The following WT1 variants were observed in gnomAD, a reference collection of about 807,000 sequenced individuals.
WT1 encodes Wilms tumor protein.
Under a neutral mutation model 60.8 loss-of-function variants are expected in WT1, and 8 were observed. The observed-to-expected ratio is 0.13, with a 90% CI of 0.08 to 0.24. The LOEUF (loss-of-function observed/expected upper bound fraction) is 0.24. Among genes scored for constraint, WT1 ranks in the 10% least tolerant of loss-of-function variants. The probability of loss-of-function intolerance (pLI) is 1.00; values close to 1 mark genes in which losing one functional copy is unlikely to be tolerated. For missense variants in WT1, 568 were observed against 711.8 expected, an observed-to-expected ratio of 0.80 and a Z score of 2.30; for synonymous variants, 312 against 297.1, an observed-to-expected ratio of 1.05 and a Z score of -0.52.
chr11:32,395,496 G>A (rs1482445942), intron 7 of WT1, among the ~76,000 whole-genome samples: 2 of 147,718 alleles, frequency 1.4e-5, no homozygotes, highest in African/African-American at 5.0e-5. Flanking sequence ...TTTTTTGGCA[G>A]AGTCTTGCTC....
At chr11:32,407,248 A>C (rs1852342275) in intron 5 of WT1, among the ~76,000 whole-genome samples, 1 of 152,160 alleles carries the variant, frequency 6.6e-6, no homozygotes. Flanking sequence ...GAAAAACAAA[A>C]AAACAAAAAA....
At chr11:32,401,352 T>C (rs193282689) in intron 5 of WT1, among the ~76,000 whole-genome samples, 130 of 151,736 alleles carry the variant, frequency 8.6e-4, no homozygotes, top group Admixed American at 2.0e-3. Context: ...ACTGGGGGAG[T>C]TGGGAAGGCA....
At position 32,392,715 on chromosome 11, in the gene WT1, T is replaced by C; in HGVS notation, c.1305A>G (p.Arg435=). ...TGAGCTGGTCTGAACGAGAAAACCT[T>C]CGTTCACAGTCCTTGAAGTCACACT... is the stretch of plus-strand genomic sequence containing the variant. Residue 435 remains arginine, a synonymous_variant, in exon 8 of 10, where the codon CGA becomes CGG. Coordinates refer to ENST00000452863, the MANE Select transcript of WT1 (RefSeq NM_024426.6). 11 of 1,614,072 alleles carry C rather than the reference T, an allele frequency of 6.8e-6. No homozygotes were observed. The highest frequency in any genetic ancestry group is 9.3e-6 in the Non-Finnish European group (11 of 1,179,952).
chr11:32,407,996 G>A (rs1240607507), intron 5 of WT1, among the ~76,000 whole-genome samples: 1 of 152,182 alleles, frequency 6.6e-6, no homozygotes, highest in Non-Finnish European at 1.5e-5. Context: ...GCTGAGGCAG[G>A]CGGATCATTT....
At chr11:32,426,926 T>C (rs1482452215) in intron 3 of WT1, among the ~76,000 whole-genome samples, 1 of 151,456 alleles carries the variant, frequency 6.6e-6, no homozygotes, top group East Asian at 2.0e-4. Context: ...GCGCGGCCAC[T>C]CCCCCACCCA....
intron 8 of WT1, 68 bp downstream of exon 8, chr11:32,392,597 AG>A: frequency 6.8e-7 from 1 of 1,464,146 alleles, no homozygotes; most frequent in Non-Finnish European, 9.6e-7. Context: ...TCAACAACAA[AG>A]AGAATCATGA....
intron 1 of WT1, among the ~76,000 whole-genome samples, chr11:32,433,769 T>C (rs916810612): frequency 1.3e-5 from 2 of 152,236 alleles, no homozygotes; most frequent in African/African-American, 4.8e-5. Flanking sequence ...ACCAACCTGA[T>C]ACTTATCGTG....
chr11:32,417,056 G>T (rs1158336962), intron 4 of WT1, among the ~76,000 whole-genome samples: 1 of 152,070 alleles, frequency 6.6e-6, no homozygotes, highest in Admixed American at 6.5e-5. Flanking sequence ...GGTGCAAAGA[G>T]TAGCTCCTTC....
intron 3 of WT1, among the ~76,000 whole-genome samples, chr11:32,424,613 G>A (rs34250829): frequency 0.11 from 16,508 of 152,154 alleles, 1,306 homozygotes; most frequent in African/African-American, 0.22. Context: ...AGGGTAAGGA[G>A]GATAGAGAAA....
chr11:32,427,068 C>T (rs1192490051), intron 3 of WT1, among the ~76,000 whole-genome samples: 1 of 152,198 alleles, frequency 6.6e-6, no homozygotes, highest in Non-Finnish European at 1.5e-5. Context: ...TCAGGATCCC[C>T]GAGCACCAGG....
At chr11:32,429,069 G>C (rs1853172285) in intron 1 of WT1, 1 of 283,614 alleles carries the variant, frequency 3.5e-6, no homozygotes, top group South Asian at 3.9e-5. Flanking sequence ...TGTAAATCAG[G>C]GGCCCGCGCA....
intron 5 of WT1, among the ~76,000 whole-genome samples, chr11:32,413,593 G>A (rs946369186): frequency 1.3e-5 from 2 of 152,130 alleles, no homozygotes; most frequent in Non-Finnish European, 2.9e-5. Context: ...GGCAAACTGT[G>A]GGTCATGACA....
chr11:32,428,739 G>A (rs564401206), intron 1 of WT1, 120 bp from the exon 2 acceptor site: 35 of 1,488,548 alleles, frequency 2.4e-5, no homozygotes, highest in Non-Finnish European at 3.1e-5. Flanking sequence ...GACCCCCAGC[G>A]GAGGAGAATC....
rs571805851 is a variant in WT1 at position 32,429,065 on chromosome 11, T to G, written c.662-446A>C. On this transcript the variant is annotated intron_variant, in intron 1 of 9. Coordinates refer to ENST00000452863, the MANE Select transcript of WT1 (RefSeq NM_024426.6). ...CCCCGCGTTGACTCCGAGCTGTAAATCAGGGGCCCGCGCACCAACTTTCAT... is the reference window on the plus strand; with the variant it reads ...CCCCGCGTTGACTCCGAGCTGTAAAGCAGGGGCCCGCGCACCAACTTTCAT... 2.2e-4 allele frequency: 62 copies of G among 285,616 alleles called. No individual in the cohort carries two copies. The South Asian group carries it at 2.2e-3, about 10-fold the overall frequency. The allele number at this position is 285,616 out of a possible 1,614,324, so 17.7% of individuals were successfully genotyped here. A position where few individuals can be genotyped will look rare whatever the true frequency, so the allele number is the denominator to read the frequency against.
At chr11:32,416,238 A>T (rs1852664204) in intron 5 of WT1, among the ~76,000 whole-genome samples, 1 of 152,214 alleles carries the variant, frequency 6.6e-6, no homozygotes. Context: ...ATTCACAAAG[A>T]AATGAACAGG....
chr11:32,419,427 A>G (rs1264931511), intron 3 of WT1, among the ~76,000 whole-genome samples: 3 of 152,230 alleles, frequency 2.0e-5, no homozygotes, highest in Non-Finnish European at 4.4e-5. Context: ...AAAATTGTTC[A>G]CCAACTAAAA....
In WT1 at chr11:32,391,859, G is replaced by C. The variant is rs1046576632; in HGVS notation, c.1447+113C>G. On this transcript the variant is annotated intron_variant, in intron 9 of 9. Coordinates refer to ENST00000452863, the MANE Select transcript of WT1 (RefSeq NM_024426.6). The stretch of plus-strand genomic sequence containing the variant: ...ACGCACTATTCCTTCTCTCAACTGA[G>C]TCTAAACCTTAGAACTTTTACACTA... 2.8e-6 allele frequency: 3 copies of C among 1,085,062 alleles called. No individual in the cohort carries two copies. In the African/African-American group the frequency reaches 4.7e-5, roughly 17 times the overall value. 67.2% of individuals were successfully genotyped at this position (1,085,062 alleles called of 1,614,324 possible). A position where few individuals can be genotyped will look rare whatever the true frequency, so the allele number is the denominator to read the frequency against.
At position 32,434,741 on chromosome 11, in the gene WT1, A is replaced by C. The variant is rs1258754686; in HGVS notation, c.620T>G (p.Leu207Arg). 18 of 1,612,830 alleles carry C rather than the reference A, an allele frequency of 1.1e-5. No individual in the cohort carries two copies. The highest frequency in any genetic ancestry group is 1.5e-5 in the Non-Finnish European group (18 of 1,179,954). The change falls in exon 1 of 10, where the codon CTG (leucine) becomes CGG (arginine). Residue 207 changes from leucine to arginine, a missense_variant. Leu to Arg is a moderately radical substitution (Grantham distance 102). This residue lies in a region of WT1 where 523 missense variants were observed against 565.1 expected (regional missense o/e 0.93). Coordinates refer to ENST00000452863, the MANE Select transcript of WT1 (RefSeq NM_024426.6). ...GGGCTGGCTCTCGAGGCAGCTGGGC[A>C]GGTAGGGCGCGTTAGGAAACATCCT...
chr11:32,425,863 C>T (rs1296723447), intron 3 of WT1, among the ~76,000 whole-genome samples: 4 of 152,146 alleles, frequency 2.6e-5, no homozygotes, highest in Non-Finnish European at 5.9e-5. Flanking sequence ...TGATGAAGTG[C>T]TTAATACAGT....
Sources: allele counts gnomAD v4.1 joint callset (sites outside exome capture counted in the v4.1 genomes callset), GRCh38; gene constraint gnomAD v4.1.1; regional missense constraint gnomAD v4.1.1; transcripts MANE v1.5; gene names NCBI Gene and HGNC (gene_info 2026-07-23, HGNC 2026-07-21).